The following REEP3 variants were observed in gnomAD, a reference collection of about 807,000 sequenced individuals.
REEP3 encodes the protein receptor accessory protein 3.
Under a neutral mutation model 41.3 loss-of-function variants are expected in REEP3, and 20 were observed. The observed-to-expected ratio is 0.48, with a 90% CI of 0.34 to 0.70. REEP3 has a LOEUF of 0.70. Ranked by LOEUF, REEP3 falls within the 30% of genes least tolerant of loss-of-function variation. The pLI is 0.01. For missense variants in REEP3, 271 were observed against 308.8 expected, an observed-to-expected ratio of 0.88 and a Z score of 0.92; for synonymous variants, 104 against 101.8, an observed-to-expected ratio of 1.02 and a Z score of -0.13.
At chr10:63,572,015 G>A (rs1476947502) in intron 2 of REEP3, among the ~76,000 whole-genome samples, 3 of 152,174 alleles carry the variant, frequency 2.0e-5, no homozygotes, top group African/African-American at 7.2e-5. Flanking sequence ...AAAGCTGGAC[G>A]TTCGGGGGCC....
At chr10:63,575,439 C>T (rs903926432) in intron 2 of REEP3, among the ~76,000 whole-genome samples, 2 of 152,200 alleles carry the variant, frequency 1.3e-5, no homozygotes, top group Non-Finnish European at 2.9e-5. Context: ...TTTCCTTCAG[C>T]TCTGAGAAAT....
intron 1 of REEP3, among the ~76,000 whole-genome samples, chr10:63,533,710 C>CTTTTGTTTTTTTTTTTTTTTTTT (rs1955446924): frequency 9.9e-6 from 1 of 101,070 alleles, no homozygotes; most frequent in Non-Finnish European, 2.2e-5. Context: ...GTATGTAAAT[C>CTTTTGTTTTTTTTTTTTTTTTTT]TTTTTTTTTT....
intron 1 of REEP3, among the ~76,000 whole-genome samples, chr10:63,522,540 C>G (rs1342149407): frequency 6.6e-6 from 1 of 152,030 alleles, no homozygotes; most frequent in Non-Finnish European, 1.5e-5. Flanking sequence ...ATTCATTATT[C>G]ACCTCTGTAG....
intron 2 of REEP3, among the ~76,000 whole-genome samples, chr10:63,574,258 C>A (rs1217218626): frequency 6.6e-6 from 1 of 152,194 alleles, no homozygotes; most frequent in Non-Finnish European, 1.5e-5. Flanking sequence ...TTGCATATTT[C>A]TCTGTTCTTA....
rs759651611 is a variant in REEP3, at chr10:63,566,295, CATT to C, written c.33-42_33-40del. On this transcript the variant is annotated intron_variant, in intron 1 of 7. Transcript: ENST00000373758. ...TTAAATTTTTATGAGCTGTTTAAAA[CATT>C]GTTGTGTTTGAACAGTATTCTCATT... 290 of 1,123,250 alleles carry C rather than the reference CATT, an allele frequency of 2.6e-4. 4 individuals are homozygous for C. The highest frequency in any genetic ancestry group is 1.7e-3 in the African/African-American group (112 of 64,436). The allele number at this position is 1,123,250 out of a possible 1,614,324, so 69.6% of individuals were successfully genotyped here.
intron 2 of REEP3, among the ~76,000 whole-genome samples, chr10:63,584,687 C>T (rs145624365): frequency 5.7e-4 from 87 of 152,088 alleles, no homozygotes; most frequent in Non-Finnish European, 9.0e-4. Flanking sequence ...GTTAGTGAAT[C>T]GGGAATAGAT....
chr10:63,578,691 C>T (rs1045758002), intron 2 of REEP3, among the ~76,000 whole-genome samples: 1 of 152,050 alleles, frequency 6.6e-6, no homozygotes, highest in Non-Finnish European at 1.5e-5. Context: ...GTGGGAGGAT[C>T]GCTCAAGCAT....
At chr10:63,610,423 C>T (rs1956268930) in intron 6 of REEP3, 89 bp downstream of exon 6, 1 of 1,278,572 alleles carries the variant, frequency 7.8e-7, no homozygotes, top group Non-Finnish European at 1.1e-6. Flanking sequence ...GGGTGGGGCA[C>T]AAGGAGAGGG....
chr10:63,566,189 A>G, intron 1 of REEP3, 149 bp from the exon 2 acceptor site: 1 of 614,116 alleles, frequency 1.6e-6, no homozygotes, highest in South Asian at 1.8e-5. Context: ...TGGCTAAATT[A>G]TCTTTTTATT....
At chr10:63,545,970 G>A (rs945440359) in intron 1 of REEP3, among the ~76,000 whole-genome samples, 2 of 152,180 alleles carry the variant, frequency 1.3e-5, no homozygotes, top group African/African-American at 4.8e-5. Context: ...CAGAGTTAAA[G>A]GTGAAGGCAT....
At chr10:63,548,326 A>G (rs760972756) in intron 1 of REEP3, among the ~76,000 whole-genome samples, 1 of 152,168 alleles carries the variant, frequency 6.6e-6, no homozygotes, top group Non-Finnish European at 1.5e-5. Context: ...ATTTTGTGCT[A>G]TTAAATCTTT....
intron 1 of REEP3, 140 bp from the exon 2 acceptor site, chr10:63,566,198 T>C: frequency 1.6e-6 from 1 of 636,398 alleles, no homozygotes; most frequent in Non-Finnish European, 2.8e-6. Flanking sequence ...TATCTTTTTA[T>C]TAAAAATATA....
At chr10:63,571,039 T>C (rs1955847345) in intron 2 of REEP3, among the ~76,000 whole-genome samples, 1 of 152,092 alleles carries the variant, frequency 6.6e-6, no homozygotes, top group Non-Finnish European at 1.5e-5. Context: ...CACCTGAGCC[T>C]GGGAGGTCGA....
At chr10:63,595,554 T>G (rs1054334920) in intron 3 of REEP3, among the ~76,000 whole-genome samples, 1 of 152,304 alleles carries the variant, frequency 6.6e-6, no homozygotes, top group South Asian at 2.1e-4. Context: ...TCTGTCTAAA[T>G]TAGCCTAACA....
At chr10:63,539,528 T>C (rs1313707933) in intron 1 of REEP3, among the ~76,000 whole-genome samples, 1 of 152,160 alleles carries the variant, frequency 6.6e-6, no homozygotes. Flanking sequence ...TACAGTGGTG[T>C]GTACCTATGG....
At chr10:63,607,359 A>C (rs906084383) in intron 5 of REEP3, among the ~76,000 whole-genome samples, 1 of 152,190 alleles carries the variant, frequency 6.6e-6, no homozygotes, top group African/African-American at 2.4e-5. Context: ...GGGTATTGAT[A>C]ATAGTAGCAT....
At chr10:63,578,289 G>A (rs1050838819) in intron 2 of REEP3, among the ~76,000 whole-genome samples, 8 of 151,762 alleles carry the variant, frequency 5.3e-5, no homozygotes, top group African/African-American at 1.2e-4. Flanking sequence ...TAGTAGAGAC[G>A]GGGTTTCACC....
intron 2 of REEP3, among the ~76,000 whole-genome samples, chr10:63,570,851 A>C (rs1416662239): frequency 6.6e-6 from 1 of 152,138 alleles, no homozygotes; most frequent in Non-Finnish European, 1.5e-5. Context: ...GCAGTGGCTC[A>C]CACCTGTAAT....
chr10:63,618,844 A>T (rs1229375710), intron 6 of REEP3, among the ~76,000 whole-genome samples: 2 of 152,226 alleles, frequency 1.3e-5, no homozygotes, highest in Non-Finnish European at 2.9e-5. Context: ...GGGTTGGAAG[A>T]GTTTTCGTCC....
Sources: allele counts gnomAD v4.1 joint callset (sites outside exome capture counted in the v4.1 genomes callset), GRCh38; gene constraint gnomAD v4.1.1; transcripts MANE v1.5; gene names NCBI Gene and HGNC (gene_info 2026-07-23, HGNC 2026-07-21).